UGT1A8: variants seen among roughly 807,000 people sequenced by gnomAD.
UGT1A8 encodes the protein UDP glucuronosyltransferase family 1 member A8.
UGT1A8 carries 39 observed loss-of-function variants against 45.3 expected under a neutral mutation model. The ratio of observed to expected loss-of-function variants is 0.86; its 90% confidence interval spans 0.67 to 1.12. The LOEUF (loss-of-function observed/expected upper bound fraction) is 1.12, where lower values mean the gene tolerates loss of function less well. UGT1A8 is among the 50% of genes most tolerant of loss of function. UGT1A8 has a pLI of 0.00. For synonymous variants in UGT1A8, 275 were observed against 249.2 expected (o/e 1.10, Z -0.97); for missense variants, 719 against 664.9 (o/e 1.08, Z -0.90).
chr2:233,724,284 G>A (rs1369103408), intron 1 of UGT1A8, among the ~76,000 whole-genome samples: 103 of 126,932 alleles, frequency 8.1e-4, no homozygotes, highest in Middle Eastern at 4.7e-3. Context: ...GGCCGGGCGG[G>A]GGGCTGACCC....
At chr2:233,651,858 G>A (rs1337324629) in intron 1 of UGT1A8, among the ~76,000 whole-genome samples, 1 of 152,120 alleles carries the variant, frequency 6.6e-6, no homozygotes, top group Admixed American at 6.5e-5. Context: ...TCCTACATAG[G>A]GGTTTTTCCT....
chr2:233,762,496 C>A (rs923496675), intron 1 of UGT1A8, among the ~76,000 whole-genome samples: 3 of 152,178 alleles, frequency 2.0e-5, no homozygotes, highest in Non-Finnish European at 4.4e-5. Flanking sequence ...AATGCTATTA[C>A]TTTTTAAACT....
intron 1 of UGT1A8, chr2:233,755,932 G>T (rs1268785135): frequency 7.6e-6 from 1 of 131,750 alleles, no homozygotes; most frequent in African/African-American, 3.0e-5. Context: ...TCGTTTTACA[G>T]TTTTTGCATC....
chr2:233,647,938 G>A, intron 1 of UGT1A8: 1 of 1,605,208 alleles, frequency 6.2e-7, no homozygotes, highest in South Asian at 1.1e-5. Context: ...GCCCATGGAT[G>A]GGAGCCACTG....
rs931227831 is a variant in UGT1A8 at position 233,629,901 on chromosome 2, CT to C, written c.855+11347del. On this transcript the variant is annotated intron_variant, in intron 1 of 4. Coordinates refer to ENST00000373450, the MANE Select transcript of UGT1A8 (RefSeq NM_019076.5). ...GTGTCCATTCTATCTAAGTTGTAGA[CT>C]TTTTTTTGGCATAAACTTGTTCATG... 5.3e-5 allele frequency among the ~76,000 whole-genome samples: 8 copies of C among 151,914 alleles called. No homozygotes were observed. In the East Asian group the frequency reaches 9.7e-4, roughly 18 times the overall value.
At chr2:233,636,791 T>A (rs374911813) in intron 1 of UGT1A8, 121 of 1,614,108 alleles carry the variant, frequency 7.5e-5, no homozygotes, top group Non-Finnish European at 1.0e-4. Context: ...AACCGGGAAT[T>A]CATGGTTTTC....
intron 1 of UGT1A8, among the ~76,000 whole-genome samples, chr2:233,724,194 C>T (rs1375067088): frequency 3.2e-5 from 4 of 125,876 alleles, no homozygotes; most frequent in Non-Finnish European, 4.9e-5. Context: ...GACGGGGTGG[C>T]TGGCCGGGCT....
chr2:233,738,058 G>A (rs1690676256), intron 1 of UGT1A8, among the ~76,000 whole-genome samples: 1 of 152,076 alleles, frequency 6.6e-6, no homozygotes, highest in Non-Finnish European at 1.5e-5. Flanking sequence ...AGGACATGGT[G>A]GGAGGTCCCC....
intron 1 of UGT1A8, among the ~76,000 whole-genome samples, chr2:233,644,155 G>C (rs371867982): frequency 6.6e-6 from 1 of 152,152 alleles, no homozygotes; most frequent in South Asian, 2.1e-4. Flanking sequence ...TTATGGACTA[G>C]ACTGCCTTTC....
In UGT1A8 at chr2:233,718,773, C is replaced by G. The variant is rs374057137; in HGVS notation, c.856-48261C>G. Reference sequence around the variant, plus strand: ...ATTAAGGCGAAGGAAACAAATGTAGCAGGCACAGCGTGGGGTGGACAGTCA... The same window carrying G: ...ATTAAGGCGAAGGAAACAAATGTAGGAGGCACAGCGTGGGGTGGACAGTCA... On this transcript the variant is annotated intron_variant, in intron 1 of 4. Coordinates refer to ENST00000373450, the MANE Select transcript of UGT1A8 (RefSeq NM_019076.5). 9.1e-5 allele frequency: 147 copies of G among 1,612,730 alleles called. 1 individual carries two copies. Among genetic ancestry groups the G allele is most frequent in the Middle Eastern group, 6.0e-4 (3 of 4,988 alleles).
Position 233,648,838 on chromosome 2 carries a change from T to C in UGT1A8, c.855+30276T>C. 4 of 1,132,482 alleles carry C rather than the reference T, an allele frequency of 3.5e-6. No individual in the cohort carries two copies. In the South Asian group the frequency reaches 4.9e-5, roughly 14 times the overall value. 70.2% of individuals were successfully genotyped at this position (1,132,482 alleles called of 1,614,324 possible). On this transcript the variant is annotated intron_variant, in intron 1 of 4. Transcript: ENST00000373450. Reference sequence around the variant, plus strand: ...AGAGGAGCATTTATTTTGCCCATATTTTTTCAAAAATGCCTTAAACATAGC... The same window carrying C: ...AGAGGAGCATTTATTTTGCCCATATCTTTTCAAAAATGCCTTAAACATAGC...
intron 1 of UGT1A8, among the ~76,000 whole-genome samples, chr2:233,680,538 CCT>C (rs2074489772): frequency 6.6e-6 from 1 of 152,046 alleles, no homozygotes; most frequent in Non-Finnish European, 1.5e-5. Context: ...CTGTTGAATC[CCT>C]CACGAAATGC....
chr2:233,680,599 C>A (rs1049306148), intron 1 of UGT1A8, among the ~76,000 whole-genome samples: 2 of 152,164 alleles, frequency 1.3e-5, no homozygotes, highest in Admixed American at 6.5e-5. Flanking sequence ...CCATTAAAAT[C>A]TGCATGATGG....
intron 1 of UGT1A8, chr2:233,713,618 A>G (rs768642808): frequency 1.2e-6 from 2 of 1,613,968 alleles, no homozygotes; most frequent in Admixed American, 1.7e-5. Flanking sequence ...CATTCCTGCA[A>G]AGGGTCAAGA....
intron 1 of UGT1A8, chr2:233,750,518 C>A (rs560132107): frequency 6.6e-6 from 1 of 152,090 alleles, no homozygotes; most frequent in South Asian, 2.1e-4. Flanking sequence ...ATTGCCAAGA[C>A]AATGGGGAAA....
In UGT1A8 at chr2:233,760,405, T is replaced by C. The variant is rs1183811071; in HGVS notation, c.856-6629T>C. On this transcript the variant is annotated intron_variant, in intron 1 of 4. Transcript: ENST00000373450. Reference sequence around the variant, plus strand: ...GTTGATCCCAGTGGATGGCAGCCACTGGCTGAGCATGCTTGGGGCCATCCA... The same window carrying C: ...GTTGATCCCAGTGGATGGCAGCCACCGGCTGAGCATGCTTGGGGCCATCCA... 1.5e-5 allele frequency: 24 copies of C among 1,614,126 alleles called. No homozygotes were observed. Among genetic ancestry groups the C allele is most frequent in the Non-Finnish European group, 1.9e-5 (22 of 1,180,052 alleles).
chr2:233,682,007 A>G (rs1352564379), intron 1 of UGT1A8: 14 of 1,614,026 alleles, frequency 8.7e-6, no homozygotes, highest in South Asian at 2.2e-5. Context: ...TGGCTTTGCC[A>G]AGGCAGGGAA....
rs753373133 is a variant in UGT1A8, at chr2:233,768,431, T to C, written c.1287T>C (p.Asn429=). The change falls in exon 4 of 5, where the codon AAT becomes AAC. Residue 429 remains asparagine (N), a synonymous_variant. Coordinates refer to ENST00000373450, the MANE Select transcript of UGT1A8 (RefSeq NM_019076.5). ...AAAATGCTCTAAAAGCAGTCATCAA[T>C]GACAAAAGGTAAGAAAGAAGATACA... The part of the protein sequence containing the change: ...DLENALKAVI[N]DKSYKENIMR... 2 of 1,613,926 alleles carry C rather than the reference T, an allele frequency of 1.2e-6. No homozygotes were observed. The highest frequency in any genetic ancestry group is 1.7e-6 in the Non-Finnish European group (2 of 1,179,924).
chr2:233,772,386 G>A lies in UGT1A8; in HGVS notation c.1420G>A (p.Ala474Thr), dbSNP rs765612353. 2.0e-5 allele frequency: 33 copies of A among 1,614,110 alleles called. No homozygotes were observed. Among genetic ancestry groups the A allele is most frequent in the Middle Eastern group, 1.6e-4 (1 of 6,084 alleles). ...CAAGGGCGCGCCACACCTGCGCCCC[G>A]CAGCCCACGACCTCACCTGGTACCA... The part of the protein sequence containing the change: ...RHKGAPHLRP[A>T]AHDLTWYQYH... Residue 474 changes from alanine to threonine, a missense_variant, in exon 5 of 5, where the codon GCA becomes ACA. Coordinates refer to ENST00000373450, the MANE Select transcript of UGT1A8 (RefSeq NM_019076.5).
Sources: allele counts gnomAD v4.1 joint callset (sites outside exome capture counted in the v4.1 genomes callset), GRCh38; gene constraint gnomAD v4.1.1; transcripts MANE v1.5; gene names NCBI Gene and HGNC (gene_info 2026-07-23, HGNC 2026-07-21).